The following ARHGEF16 variants were observed in gnomAD, a reference collection of about 807,000 sequenced individuals.
ARHGEF16 encodes Rho guanine nucleotide exchange factor 16.
ARHGEF16 carries 59 observed loss-of-function variants against 74.1 expected under a neutral mutation model. The observed-to-expected ratio is 0.80, with a 90% CI of 0.65 to 0.99. ARHGEF16 has a LOEUF of 0.99. Ranked by LOEUF, ARHGEF16 falls within the 50% of genes least tolerant of loss-of-function variation. ARHGEF16 has a pLI of 0.00. For missense variants in ARHGEF16, 948 were observed against 986.6 expected (o/e 0.96, Z 0.52); for synonymous variants, 415 against 412.6 (o/e 1.01, Z -0.07).
intron 1 of ARHGEF16, among the ~76,000 whole-genome samples, chr1:3,462,034 G>A (rs1434648937): frequency 6.6e-6 from 1 of 152,086 alleles, no homozygotes; most frequent in Admixed American, 6.5e-5. Context: ...GACCATGAAG[G>A]GAACAGTGGG....
intron 8 of ARHGEF16, 185 bp from the exon 9 acceptor site, chr1:3,474,523 C>G (rs1639827867): frequency 3.3e-6 from 2 of 598,062 alleles, no homozygotes; most frequent in Non-Finnish European, 6.0e-6. Flanking sequence ...CCTGGCCTGA[C>G]CTGGCAGAGC....
intron 13 of ARHGEF16, 40 bp from the exon 14 acceptor site, chr1:3,479,772 T>C (rs757139133): frequency 6.9e-6 from 11 of 1,600,230 alleles, no homozygotes; most frequent in Non-Finnish European, 9.4e-6. Context: ...GCCTGGCCCA[T>C]GCCTCCCGAC....
At chr1:3,465,057 C>T (rs1014290164) in intron 2 of ARHGEF16, among the ~76,000 whole-genome samples, 4 of 152,252 alleles carry the variant, frequency 2.6e-5, no homozygotes, top group South Asian at 2.1e-4. Context: ...GCACCTCTGC[C>T]GCAGGCCCCT....
chr1:3,478,328 C>T, intron 11 of ARHGEF16, 96 bp from the exon 12 acceptor site: 1 of 1,362,038 alleles, frequency 7.3e-7, no homozygotes, highest in Non-Finnish European at 1.0e-6. Flanking sequence ...GCCTCCCCAC[C>T]ACTGCAGGGG....
intron 4 of ARHGEF16, 170 bp from the exon 5 acceptor site, chr1:3,468,710 C>A: frequency 2.9e-6 from 2 of 697,746 alleles, no homozygotes; most frequent in Non-Finnish European, 2.5e-6. Flanking sequence ...AGGAAGGTGA[C>A]GGGGATAGGC....
intron 1 of ARHGEF16, among the ~76,000 whole-genome samples, chr1:3,458,997 C>G (rs1639329430): frequency 1.3e-5 from 2 of 152,130 alleles, no homozygotes; most frequent in African/African-American, 4.8e-5. Flanking sequence ...GAGAAAACAC[C>G]AGAGCTTAAT....
rs145185825 is a variant in ARHGEF16, at chr1:3,474,175, A to G, written c.1306-533A>G. 1.6e-5 allele frequency: 3 copies of G among 192,442 alleles called. No homozygotes were observed. The East Asian group carries it at 3.9e-4, about 25-fold the overall frequency. The allele number at this position is 192,442 out of a possible 1,614,324, so 11.9% of individuals were successfully genotyped here. On this transcript the variant is annotated intron_variant, in intron 8 of 14. Transcript: ENST00000378378. ...GCACACAATGCACACGTTTGCATAC[A>G]TGCACACACAGGCACTGCACACACA... is the stretch of plus-strand genomic sequence containing the variant.
In ARHGEF16 at chr1:3,468,594, C is replaced by T. The variant is rs547524141; in HGVS notation, c.805-286C>T. The T allele has an allele frequency of 1.5e-4, 72 of 468,836 alleles. 1 individual carries two copies. Among genetic ancestry groups the T allele is most frequent in the South Asian group, 1.3e-3 (59 of 45,692 alleles). 29.0% of individuals were successfully genotyped at this position (468,836 alleles called of 1,614,324 possible). ...AGATCTGTGGGACAAGATCCCCCCC[C>T]GCCCTCTGGCCTCTCCCTCTGGATG... On this transcript the variant is annotated intron_variant, in intron 4 of 14. Coordinates refer to ENST00000378378, the MANE Select transcript of ARHGEF16 (RefSeq NM_014448.4).
Position 3,478,615 on chromosome 1 carries a change from A to G in ARHGEF16, c.1814+3A>G, listed in dbSNP as rs1473320822. The G allele has an allele frequency of 1.2e-6, 2 of 1,602,490 alleles. No individual in the cohort carries two copies. The highest frequency in any genetic ancestry group is 1.7e-6 in the Non-Finnish European group (2 of 1,173,364). On this transcript the variant is annotated splice_donor_region_variant and intron_variant, in intron 12 of 14. Transcript: ENST00000378378. ...CTCCTGCTCTCCTCGGACTCCGCGTAAGTGGGCTCCCGGGAGGGCTGTTCC... is the reference window on the plus strand; with the variant it reads ...CTCCTGCTCTCCTCGGACTCCGCGTGAGTGGGCTCCCGGGAGGGCTGTTCC...
intron 3 of ARHGEF16, among the ~76,000 whole-genome samples, chr1:3,466,630 TC>T (rs1639552613): frequency 6.6e-6 from 1 of 152,100 alleles, no homozygotes; most frequent in Non-Finnish European, 1.5e-5. Flanking sequence ...CTCAGCCTGC[TC>T]GGGGGAGATG....
chr1:3,466,538 C>T (rs1193073064), intron 3 of ARHGEF16, among the ~76,000 whole-genome samples: 19 of 152,194 alleles, frequency 1.2e-4, no homozygotes, highest in Admixed American at 1.2e-3. Flanking sequence ...ACCGGCCCCA[C>T]ACCGCGGGCT....
At position 3,480,014 on chromosome 1, in the gene ARHGEF16, G is replaced by A. The variant is rs1640012531; in HGVS notation, c.1990+101G>A. 4 of 1,163,632 alleles carry A rather than the reference G, an allele frequency of 3.4e-6. No individual in the cohort carries two copies. In the South Asian group the frequency reaches 4.0e-5, roughly 12 times the overall value. 72.1% of individuals were successfully genotyped at this position (1,163,632 alleles called of 1,614,324 possible). ...TCCAGAGCATGCCGGGCTGCAGGCT[G>A]ACCATGTGCTCACCCTCTCTCGAGG... is the stretch of plus-strand genomic sequence containing the variant. On this transcript the variant is annotated intron_variant, in intron 14 of 14. Coordinates refer to ENST00000378378, the MANE Select transcript of ARHGEF16 (RefSeq NM_014448.4).
intron 6 of ARHGEF16, among the ~76,000 whole-genome samples, chr1:3,471,975 G>T (rs1020066541): frequency 2.0e-5 from 3 of 152,236 alleles, no homozygotes; most frequent in Admixed American, 6.5e-5. Flanking sequence ...ATCTGCTGGG[G>T]ATTCTCAAGG....
chr1:3,461,555 C>T (rs1331005553), intron 1 of ARHGEF16, among the ~76,000 whole-genome samples: 9 of 152,320 alleles, frequency 5.9e-5, no homozygotes, highest in East Asian at 5.8e-4. Flanking sequence ...ACCAGACCCT[C>T]GGAATCCATT....
At chr1:3,471,297 TA>T (rs1639715316) in intron 6 of ARHGEF16, among the ~76,000 whole-genome samples, 1 of 151,986 alleles carries the variant, frequency 6.6e-6, no homozygotes, top group African/African-American at 2.4e-5. Context: ...GGGAGATGAT[TA>T]GGGGCCTGTA....
At chr1:3,465,303 T>C (rs1639508422) in intron 2 of ARHGEF16, among the ~76,000 whole-genome samples, 1 of 152,102 alleles carries the variant, frequency 6.6e-6, no homozygotes, top group Non-Finnish European at 1.5e-5. Context: ...TCGGGGGTGC[T>C]GGGAGCACAG....
intron 11 of ARHGEF16, 119 bp from the exon 12 acceptor site, chr1:3,478,305 C>A: frequency 8.6e-7 from 1 of 1,163,830 alleles, no homozygotes; most frequent in Non-Finnish European, 1.2e-6. Flanking sequence ...ACTCTTGGAG[C>A]CCGTCCGTGG....
intron 8 of ARHGEF16, 33 bp from the exon 9 acceptor site, chr1:3,474,675 G>A: frequency 3.1e-6 from 5 of 1,599,866 alleles, no homozygotes; most frequent in Non-Finnish European, 3.4e-6. Flanking sequence ...ATGCCAGAGG[G>A]GACTTTCTGT....
At chr1:3,458,215 A>G (rs1639309039) in intron 1 of ARHGEF16, among the ~76,000 whole-genome samples, 2 of 152,352 alleles carry the variant, frequency 1.3e-5, no homozygotes, top group South Asian at 4.1e-4. Flanking sequence ...GGGCTCACAG[A>G]CATGGGGAGA....
Sources: allele counts gnomAD v4.1 joint callset (sites outside exome capture counted in the v4.1 genomes callset), GRCh38; gene constraint gnomAD v4.1.1; transcripts MANE v1.5; gene names NCBI Gene and HGNC (gene_info 2026-07-23, HGNC 2026-07-21).